ART5: variants seen among roughly 807,000 people sequenced by gnomAD.
ART5 encodes the protein ecto-ADP-ribosyltransferase 5.
ART5 carries 22 observed loss-of-function variants against 25.0 expected under a neutral mutation model. That is an observed-to-expected ratio of 0.88 (90% confidence interval 0.63 to 1.26). The LOEUF (loss-of-function observed/expected upper bound fraction) is 1.26, where lower values mean the gene tolerates loss of function less well. Ranked by LOEUF, ART5 falls within the 50% of genes most tolerant of loss-of-function variation. ART5 has a pLI of 0.00. For missense variants in ART5, 402 were observed against 372.8 expected (o/e 1.08, Z -0.64); for synonymous variants, 161 against 154.8 (o/e 1.04, Z -0.30).
chr11:3,639,905 G>A lies in ART5; in HGVS notation c.524C>T (p.Ser175Phe), dbSNP rs796103332. The A allele has an allele frequency of 5.0e-6, 8 of 1,614,186 alleles. No individual in the cohort carries two copies. In the African/African-American group the frequency reaches 1.1e-4, roughly 22 times the overall value. The change falls in exon 2 of 4, where the codon TCT becomes TTT. Residue 175 changes from serine (S) to phenylalanine (F), a missense_variant. Physicochemically the swap from Ser to Phe is radical, Grantham distance 155. Transcript: ENST00000397068. ...LRFEPKRLGDSVRLGQFASSS... is the reference protein window; with the variant it reads ...LRFEPKRLGDFVRLGQFASSS... ...GGAGGCAAACTGGCCCAAGCGGACA[G>A]AGTCTCCCAGCCTCTTGGGTTCAAA...
Position 3,638,716 on chromosome 11 carries a change from T to C in ART5, c.*22A>G. The stretch of plus-strand genomic sequence containing the variant: ...TGGGGAGAAGGCTGCTAGGGCTGGG[T>C]CCGGAACCATGTTCTTGCTTCTCAA... On this transcript the variant is annotated 3_prime_UTR_variant, in exon 4 of 4. Transcript: ENST00000397068. The C allele has an allele frequency of 6.2e-7, 1 of 1,614,048 alleles. No homozygotes were observed. Among genetic ancestry groups the C allele is most frequent in the South Asian group, 1.1e-5 (1 of 91,066 alleles).
At chr11:3,639,485 A>G (rs1165983034) in intron 2 of ART5, among the ~76,000 whole-genome samples, 157 bp downstream of exon 2, 1 of 152,162 alleles carries the variant, frequency 6.6e-6, no homozygotes, top group Non-Finnish European at 1.5e-5. Context: ...ACCCCAAAAA[A>G]CCTGAGTCAC....
Position 3,639,937 on chromosome 11 carries a change from G to T in ART5, c.492C>A (p.Ser164Arg). ...PGEVVFRGVGSLRFEPKRLGD... is the reference protein window; with the variant it reads ...PGEVVFRGVGRLRFEPKRLGD... The stretch of plus-strand genomic sequence containing the variant: ...CCAGCCTCTTGGGTTCAAAGCGAAG[G>T]CTGCCCACACCTCGGAACACCACCT... Residue 164 changes from serine (S) to arginine (R), a missense_variant, in exon 2 of 4, where the codon AGC becomes AGA. Physicochemically the swap from Ser to Arg is moderately radical, Grantham distance 110 (BLOSUM62 -1). Transcript: ENST00000397068. 6.2e-7 allele frequency: 1 copy of T among 1,614,156 alleles called. No homozygotes were observed. The highest frequency in any genetic ancestry group is 8.5e-7 in the Non-Finnish European group (1 of 1,180,020).
rs746784783 is a variant in ART5, at chr11:3,638,739, C to T, written c.875G>A (p.Ter292=). 4.3e-6 allele frequency: 7 copies of T among 1,614,056 alleles called. No homozygotes were observed. The Admixed American group carries it at 5.0e-5, about 12-fold the overall frequency. Residue 292 remains the stop codon, a stop_retained_variant, in exon 4 of 4, where the codon TGA becomes TAA. Coordinates refer to ENST00000397068, the MANE Select transcript of ART5 (RefSeq NM_053017.5). ...GGTCCGGAACCATGTTCTTGCTTCT[C>T]AAGGCTGCTGGAGGTGCCTCTTCGT... ...HMTKRHLQQP[*] is the part of the protein sequence containing the mutation.
At chr11:3,639,161 T>A in intron 2 of ART5, 126 bp from the exon 3 acceptor site, 1 of 1,091,572 alleles carries the variant, frequency 9.2e-7, no homozygotes, top group Non-Finnish European at 1.3e-6. Flanking sequence ...AAGGGAAACT[T>A]CTGATTTCCC....
Position 3,640,072 on chromosome 11 carries a change from G to A in ART5, c.357C>T (p.Gly119=). Residue 119 remains glycine (G), a synonymous_variant, in exon 2 of 4, where the codon GGC becomes GGT. Transcript: ENST00000397068. ...ELNQAVRTGG[G]SRELYMRHFP... ...AGTGCCTCATGTAGAGCTCCCGGGA[G>A]CCTCCGCCCGTCCGCACGGCCTGAT... is the stretch of plus-strand genomic sequence containing the variant. The A allele has an allele frequency of 6.2e-7, 1 of 1,614,192 alleles. No homozygotes were observed. Among genetic ancestry groups the A allele is most frequent in the Non-Finnish European group, 8.5e-7 (1 of 1,180,050 alleles).
rs11500164 is a variant in ART5 at position 3,641,992 on chromosome 11, T to A, written c.-130A>T. On this transcript the variant is annotated 5_prime_UTR_variant, in exon 1 of 4. Transcript: ENST00000397068. ...GCGCACGGGATCCCGGGTCCAGGAT[T>A]AGGGCCCCGGCGGGGCGTGGGCGGG... The A allele has an allele frequency of 6.7e-3, 9,152 of 1,373,152 alleles. 482 individuals are homozygous for A. The African/African-American group carries it at 0.15, about 22-fold the overall frequency. The allele number at this position is 1,373,152 out of a possible 1,614,324, so 85.1% of individuals were successfully genotyped here. A position where few individuals can be genotyped will look rare whatever the true frequency, so the allele number is the denominator to read the frequency against.
At chr11:3,638,931 A>T (rs754393227) in intron 3 of ART5, 72 bp downstream of exon 3, 1 of 1,584,236 alleles carries the variant, frequency 6.3e-7, no homozygotes, top group South Asian at 1.1e-5. Context: ...TGCTGAAGGG[A>T]AAAGAGGAGG....
At chr11:3,641,696 T>G in intron 1 of ART5, 110 bp downstream of exon 1, 2 of 1,510,944 alleles carry the variant, frequency 1.3e-6, no homozygotes, top group South Asian at 2.5e-5. Context: ...AGTGGAATCC[T>G]AGGGAAGAGT....
Position 3,641,831 on chromosome 11 carries a change from C to A in ART5, c.32G>T (p.Gly11Val). Residue 11 changes from glycine (G) to valine (V), a missense_variant, in exon 1 of 4, where the codon GGC becomes GTC. Transcript: ENST00000397068. MALAALMIAL[G>V]SLGLHTWQAQ... ...CTGCCAGGTGTGGAGGCCGAGGCTG[C>A]CGAGGGCGATCATCAAAGCCGCCAG... is the stretch of plus-strand genomic sequence containing the variant. The A allele has an allele frequency of 1.3e-6, 2 of 1,578,834 alleles. No homozygotes were observed. Among genetic ancestry groups the A allele is most frequent in the South Asian group, 1.2e-5 (1 of 85,946 alleles).
At chr11:3,639,491 G>A in intron 2 of ART5, 151 bp downstream of exon 2, 1 of 1,174,058 alleles carries the variant, frequency 8.5e-7, no homozygotes, top group Non-Finnish European at 1.2e-6. Context: ...AAAAACCTGA[G>A]TCACAGAGGA....
intron 1 of ART5, among the ~76,000 whole-genome samples, chr11:3,641,251 C>T (rs1355293094): frequency 6.6e-6 from 1 of 152,204 alleles, no homozygotes; most frequent in Non-Finnish European, 1.5e-5. Context: ...AAGCACTTTT[C>T]CGGCTGTAAG....
intron 1 of ART5, 33 bp downstream of exon 1, chr11:3,641,773 C>T (rs376402050): frequency 1.4e-4 from 222 of 1,562,618 alleles, no homozygotes; most frequent in Middle Eastern, 5.0e-4. Context: ...CTTAATGTCC[C>T]CCTTGGGGCT....
chr11:3,639,130 A>C, intron 2 of ART5, 95 bp from the exon 3 acceptor site: 2 of 1,347,444 alleles, frequency 1.5e-6, no homozygotes, highest in Non-Finnish European at 2.0e-6. Context: ...TCCCTTCTCA[A>C]TCTATCTTTC....
At chr11:3,642,256 G>C, upstream of ART5, 1 of 1,065,414 alleles carries the variant, frequency 9.4e-7, no homozygotes, top group Non-Finnish European at 1.1e-6. Context: ...GAGGAGTCCG[G>C]AGTCCGGCTG....
At chr11:3,638,918 C>T in intron 3 of ART5, 85 bp downstream of exon 3, 1 of 1,594,510 alleles carries the variant, frequency 6.3e-7, no homozygotes, top group Non-Finnish European at 8.5e-7. Context: ...CTAGCTGCAC[C>T]CCTGCTGAAG....
In ART5 at chr11:3,640,081, C is replaced by A; in HGVS notation, c.348G>T (p.Thr116=). ...TGTAGAGCTCCCGGGAGCCTCCGCC[C>A]GTCCGCACGGCCTGATTCAACTCCC... ...LYWELNQAVR[T]GGGSRELYMR... Residue 116 remains threonine, a synonymous_variant, in exon 2 of 4, where the codon ACG becomes ACT. Transcript: ENST00000397068. 6.2e-7 allele frequency: 1 copy of A among 1,614,178 alleles called. No homozygotes were observed. The highest frequency in any genetic ancestry group is 1.6e-4 in the Middle Eastern group (1 of 6,062).
rs541867742 is a variant in ART5, at chr11:3,638,641, A to T, written c.*97T>A. 9.9e-5 allele frequency: 146 copies of T among 1,472,984 alleles called. No homozygotes were observed. The East Asian group carries it at 3.3e-3, about 33-fold the overall frequency. The allele number at this position is 1,472,984 out of a possible 1,614,324, so 91.2% of individuals were successfully genotyped here. ...TTGTCCCAGGAAGTCCCCATCACAT[A>T]GCAGAGTTCCCTCAGCCCTGCTGTG... On this transcript the variant is annotated 3_prime_UTR_variant, in exon 4 of 4. Transcript: ENST00000397068.
Position 3,640,160 on chromosome 11 carries a change from G to T in ART5, c.269C>A (p.Ala90Asp). ...GACCATAATGGCTATTCCATTCTGG[G>T]CTTTGAAGCCAGGGGGCAAGGTAAG... ...RGLTLPPGFK[A>D]QNGIAIMVYT... Residue 90 changes from alanine to aspartate, a missense_variant, in exon 2 of 4, where the codon GCC becomes GAC. Physicochemically the swap from Ala to Asp is moderately radical, Grantham distance 126. Coordinates refer to ENST00000397068, the MANE Select transcript of ART5 (RefSeq NM_053017.5). 1 of 1,614,140 alleles carries T rather than the reference G, an allele frequency of 6.2e-7. No individual in the cohort carries two copies. Among genetic ancestry groups the T allele is most frequent in the Non-Finnish European group, 8.5e-7 (1 of 1,180,048 alleles).
Sources: gnomAD v4.1 joint callset for allele counts (sites outside exome capture counted in the v4.1 genomes callset) on GRCh38, gnomAD v4.1.1 for gene constraint, MANE v1.5 for transcripts, NCBI Gene and HGNC (gene_info 2026-07-23, HGNC 2026-07-21) for gene names.